PRKAR1B: variants seen among roughly 807,000 people sequenced by gnomAD.
PRKAR1B encodes protein kinase cAMP-dependent type I regulatory subunit beta, also known as cAMP-dependent protein kinase type I-beta regulatory subunit.
In PRKAR1B, 22 loss-of-function variants were observed where a neutral mutation model predicts 46.5. The observed-to-expected ratio is 0.47, with a 90% CI of 0.34 to 0.68. The LOEUF (loss-of-function observed/expected upper bound fraction) is 0.68. Among genes scored for constraint, PRKAR1B ranks in the 30% least tolerant of loss-of-function variants. The probability of loss-of-function intolerance (pLI) is 0.01; values close to 1 mark genes in which losing one functional copy is unlikely to be tolerated. For missense variants in PRKAR1B, 445 were observed against 535.6 expected, an observed-to-expected ratio of 0.83 and a Z score of 1.67; for synonymous variants, 259 against 217.7, an observed-to-expected ratio of 1.19 and a Z score of -1.67.
chr7:630,937 G>A (rs1783698645), intron 4 of PRKAR1B, among the ~76,000 whole-genome samples: 1 of 151,164 alleles, frequency 6.6e-6, no homozygotes, highest in Non-Finnish European at 1.5e-5. Flanking sequence ...CAGAGGGCTT[G>A]CAGCTGATTC....
chr7:581,495 TC>T (rs987079364), intron 8 of PRKAR1B, among the ~76,000 whole-genome samples: 4 of 152,190 alleles, frequency 2.6e-5, no homozygotes, highest in Non-Finnish European at 5.9e-5. Context: ...TGGAGTGTTT[TC>T]TTTACTGGTT....
At chr7:586,679 A>G (rs562852097) in intron 7 of PRKAR1B, among the ~76,000 whole-genome samples, 1 of 152,218 alleles carries the variant, frequency 6.6e-6, no homozygotes, top group Non-Finnish European at 1.5e-5. Context: ...TTTGAGGGGA[A>G]TTTGTTACAC....
chr7:712,032 C>T (rs1780663268), intron 1 of PRKAR1B, among the ~76,000 whole-genome samples: 1 of 146,980 alleles, frequency 6.8e-6, no homozygotes, highest in South Asian at 2.1e-4. Context: ...AAGACAGAAA[C>T]GCAGGTAAAC....
intron 7 of PRKAR1B, among the ~76,000 whole-genome samples, chr7:595,766 C>G (rs1302991834): frequency 6.6e-6 from 1 of 152,210 alleles, no homozygotes; most frequent in African/African-American, 2.4e-5. Context: ...CACAGGAAGC[C>G]CGTGGGTGAG....
At chr7:652,162 G>A (rs186789905) in intron 4 of PRKAR1B, among the ~76,000 whole-genome samples, 12 of 139,702 alleles carry the variant, frequency 8.6e-5, no homozygotes, top group Admixed American at 8.4e-4. Context: ...TAGGAACCTG[G>A]GAAAACCCCT....
intron 9 of PRKAR1B, among the ~76,000 whole-genome samples, chr7:558,160 A>G (rs1372279310): frequency 6.6e-6 from 1 of 151,174 alleles, no homozygotes; most frequent in Non-Finnish European, 1.5e-5. Flanking sequence ...AAAAAAAAAA[A>G]GAAAAAAAAC....
chr7:620,926 C>A (rs1783078233), intron 4 of PRKAR1B, among the ~76,000 whole-genome samples: 1 of 152,220 alleles, frequency 6.6e-6, no homozygotes, highest in South Asian at 2.1e-4. Flanking sequence ...GTATGTATGA[C>A]CTTTACCAAG....
intron 2 of PRKAR1B, among the ~76,000 whole-genome samples, chr7:703,639 G>A (rs564670606): frequency 1.4e-5 from 2 of 146,596 alleles, no homozygotes; most frequent in Non-Finnish European, 3.0e-5. Context: ...CTGGGCAACA[G>A]AGCAAGACTC....
chr7:711,497 G>A lies in PRKAR1B; in HGVS notation c.9C>T (p.Ser3=). The A allele has an allele frequency of 6.2e-7, 1 of 1,613,596 alleles. No individual in the cohort carries two copies. The highest frequency in any genetic ancestry group is 8.5e-7 in the Non-Finnish European group (1 of 1,179,754). ...CCTCCTCCGAGGGGCAGGCGGGCGG[G>A]GAGGCCATGGCGAGGGTGGCTGCTT... MA[S]PPACPSEEDE... The change falls in exon 2 of 11, where the codon TCC becomes TCT. Residue 3 remains serine, a synonymous_variant. Transcript: ENST00000537384.
At chr7:586,567 C>T (rs796409001) in intron 7 of PRKAR1B, among the ~76,000 whole-genome samples, 27 of 151,996 alleles carry the variant, frequency 1.8e-4, no homozygotes, top group African/African-American at 6.5e-4. Context: ...CCTTCTGATC[C>T]CCCCAGCCCG....
chr7:556,960 G>A (rs796874793), intron 9 of PRKAR1B, among the ~76,000 whole-genome samples: 49 of 152,268 alleles, frequency 3.2e-4, no homozygotes, highest in African/African-American at 1.1e-3. Context: ...TGAACTAGAC[G>A]CGGCCACTCA....
chr7:644,820 C>T lies in PRKAR1B; in HGVS notation c.440+32409G>A, dbSNP rs1333848161. ...TCCAGGGAAGCGGGCCCCAAAGAGGCTGGACCGGGCAGTGCCGTCGGCCAA... is the reference window on the plus strand; with the variant it reads ...TCCAGGGAAGCGGGCCCCAAAGAGGTTGGACCGGGCAGTGCCGTCGGCCAA... On this transcript the variant is annotated intron_variant, in intron 4 of 10. Coordinates refer to ENST00000537384, the MANE Select transcript of PRKAR1B (RefSeq NM_001164760.2). This position sits in a 1 kb window ranked among gnomAD's most constrained non-coding sequence, Gnocchi z 4.9. Among the ~76,000 whole-genome samples the T allele has an allele frequency of 2.0e-5, 3 of 152,190 alleles. No homozygotes were observed. The highest frequency in any genetic ancestry group is 4.4e-5 in the Non-Finnish European group (3 of 68,036).
chr7:685,286 A>ATG (rs1778970425), intron 2 of PRKAR1B, among the ~76,000 whole-genome samples: 1 of 11,712 alleles, frequency 8.5e-5, no homozygotes, highest in Non-Finnish European at 1.7e-4. Flanking sequence ...ATACGTATAT[A>ATG]TATGTATACA....
At chr7:634,703 G>A (rs970387362) in intron 4 of PRKAR1B, among the ~76,000 whole-genome samples, 13 of 151,234 alleles carry the variant, frequency 8.6e-5, no homozygotes, top group African/African-American at 1.2e-4. Flanking sequence ...GCAATGGAGC[G>A]ATCTTGGCTC....
intron 9 of PRKAR1B, among the ~76,000 whole-genome samples, chr7:570,347 G>A (rs113057671): frequency 2.5e-4 from 38 of 152,176 alleles, no homozygotes; most frequent in African/African-American, 4.1e-4. Context: ...GTTATAAAGC[G>A]ACTTTCATAC....
intron 1 of PRKAR1B, chr7:726,874 G>A (rs1311565104): frequency 5.3e-6 from 7 of 1,326,508 alleles, no homozygotes; most frequent in African/African-American, 4.6e-5. Flanking sequence ...CGCCTTGGAG[G>A]CCCTGCGGCG....
At chr7:689,000 C>T (rs1235812865) in intron 2 of PRKAR1B, among the ~76,000 whole-genome samples, 2 of 152,182 alleles carry the variant, frequency 1.3e-5, no homozygotes, top group African/African-American at 2.4e-5. Context: ...AAAGAGATCC[C>T]CCCAGGGGAA....
chr7:708,203 G>A (rs529500849), intron 2 of PRKAR1B, among the ~76,000 whole-genome samples: 1 of 150,290 alleles, frequency 6.7e-6, no homozygotes, highest in Non-Finnish European at 1.5e-5. Flanking sequence ...AATACACCTC[G>A]ATCTCGGACT....
rs1781076701 is a variant in PRKAR1B, at chr7:593,059, TAAGA to T, written c.708+3083_708+3086del. 6.6e-6 allele frequency among the ~76,000 whole-genome samples: 1 copy of T among 151,228 alleles called. No individual in the cohort carries two copies. The highest frequency in any genetic ancestry group is 6.6e-5 in the Admixed American group (1 of 15,216). ...AAAAAAATTAAAAAAAACAAAAAGG[TAAGA>T]AAGAAAAAGCAAGTCTGGGGAGTGC... On this transcript the variant is annotated intron_variant, in intron 7 of 10. Coordinates refer to ENST00000537384, the MANE Select transcript of PRKAR1B (RefSeq NM_001164760.2). This position sits in a 1 kb window ranked among gnomAD's most constrained non-coding sequence, Gnocchi z 6.1.
Sources: allele counts gnomAD v4.1 joint callset (sites outside exome capture counted in the v4.1 genomes callset), GRCh38; gene constraint gnomAD v4.1.1; non-coding constraint Gnocchi (gnomAD v3.1); transcripts MANE v1.5; gene names NCBI Gene and HGNC (gene_info 2026-07-23, HGNC 2026-07-21).